NPC1: variants seen among roughly 807,000 people sequenced by gnomAD.
The protein encoded by NPC1 is Niemann-Pick C1 protein.
In NPC1, 85 loss-of-function variants were observed where a neutral mutation model predicts 140.4. That is an observed-to-expected ratio of 0.61 (90% CI 0.51 to 0.72). The LOEUF (loss-of-function observed/expected upper bound fraction) is 0.72, where lower values mean the gene tolerates loss of function less well. Ranked by LOEUF, NPC1 falls within the 30% of genes least tolerant of loss-of-function variation. The pLI is 0.00. For missense variants in NPC1, 1,504 were observed against 1,623.8 expected (o/e 0.93, Z 1.27); for synonymous variants, 656 against 624.8 (o/e 1.05, Z -0.74).
intron 10 of NPC1, among the ~76,000 whole-genome samples, chr18:23,548,435 ATC>A (rs1332003440): frequency 2.0e-5 from 3 of 151,494 alleles, no homozygotes; most frequent in Admixed American, 1.3e-4. Flanking sequence ...CTTCTCCAAC[ATC>A]TGTTTCATTG....
intron 9 of NPC1, among the ~76,000 whole-genome samples, chr18:23,552,202 AT>A (rs1412056390): frequency 6.6e-6 from 1 of 152,118 alleles, no homozygotes; most frequent in Non-Finnish European, 1.5e-5. Flanking sequence ...GGCACGCCTA[AT>A]CTCAAGTACT....
At chr18:23,563,431 T>C (rs899898593) in intron 4 of NPC1, among the ~76,000 whole-genome samples, 10 of 152,348 alleles carry the variant, frequency 6.6e-5, no homozygotes, top group Admixed American at 3.3e-4. Context: ...ACTGCCAAAC[T>C]GTTTTCCAAA....
intron 7 of NPC1, 89 bp from the exon 8 acceptor site, chr18:23,556,702 C>T: frequency 6.4e-7 from 1 of 1,565,798 alleles, no homozygotes; most frequent in South Asian, 1.2e-5. Context: ...GTTGCTATCT[C>T]ATGGCAGGAA....
downstream of NPC1, among the ~76,000 whole-genome samples, chr18:23,518,270 G>A (rs565296515): frequency 7.2e-5 from 11 of 152,266 alleles, no homozygotes; most frequent in Admixed American, 5.9e-4. Context: ...CAGGGGGATC[G>A]CCTTGAGGCC....
chr18:23,573,024 T>C (rs2059225487), intron 2 of NPC1, among the ~76,000 whole-genome samples: 1 of 152,110 alleles, frequency 6.6e-6, no homozygotes, highest in African/African-American at 2.4e-5. Context: ...GCAGCCAAAA[T>C]TCACAGGCTC....
intron 3 of NPC1, chr18:23,515,975 C>A (rs2057991655): frequency 6.2e-7 from 1 of 1,614,022 alleles, no homozygotes; most frequent in South Asian, 1.1e-5. Flanking sequence ...TGGAGAATGT[C>A]CTGCAGCCTT....
At chr18:23,553,904 G>C (rs1014818245) in intron 9 of NPC1, among the ~76,000 whole-genome samples, 1 of 152,176 alleles carries the variant, frequency 6.6e-6, no homozygotes, top group Non-Finnish European at 1.5e-5. Context: ...ACTCCTCAGA[G>C]GGAGGCTGCC....
chr18:23,585,307 A>G (rs112229056), intron 1 of NPC1, among the ~76,000 whole-genome samples: 42 of 152,238 alleles, frequency 2.8e-4, no homozygotes, highest in African/African-American at 9.9e-4. Flanking sequence ...TGAACTGCTG[A>G]GCTCAAGAGA....
At chr18:23,522,530 G>C (rs560475721) in exon 2 of NPC1, 2 of 152,212 alleles carry the variant, frequency 1.3e-5, no homozygotes, top group African/African-American at 4.8e-5. Flanking sequence ...TGTATTTTAT[G>C]TGTGGCCCAA....
At chr18:23,524,633 GTTT>G, downstream of NPC1, 3 of 705,700 alleles carry the variant, frequency 4.3e-6, no homozygotes, top group Non-Finnish European at 7.2e-6. Context: ...CACTTTATAC[GTTT>G]TTTACTATAT....
chr18:23,531,650 T>C lies in NPC1; in HGVS notation c.*552A>G, dbSNP rs771483050. 9 of 1,613,566 alleles carry C rather than the reference T, an allele frequency of 5.6e-6. No individual in the cohort carries two copies. The highest frequency in any genetic ancestry group is 7.6e-6 in the Non-Finnish European group (9 of 1,179,924). ...GGGAACACTGTGAAGAACATGTTGC[T>C]TTTTTCAAACAGATTTTTGGAGACC... is the stretch of plus-strand genomic sequence containing the variant. On this transcript the variant is annotated 3_prime_UTR_variant, in exon 25 of 25. Transcript: ENST00000269228.
At chr18:23,552,054 G>T (rs546420738) in intron 9 of NPC1, among the ~76,000 whole-genome samples, 1 of 152,170 alleles carries the variant, frequency 6.6e-6, no homozygotes, top group Non-Finnish European at 1.5e-5. Flanking sequence ...GAGGATGAGG[G>T]GGATTTCACC....
At chr18:23,509,939 C>G (rs2057807075) in intron 3 of NPC1, among the ~76,000 whole-genome samples, 1 of 151,218 alleles carries the variant, frequency 6.6e-6, no homozygotes, top group African/African-American at 2.4e-5. Flanking sequence ...AACCTCAACT[C>G]CTGCCTTGGC....
downstream of NPC1, among the ~76,000 whole-genome samples, chr18:23,518,071 G>C (rs78998039): frequency 1.5e-3 from 234 of 152,374 alleles, 7 homozygotes; most frequent in East Asian, 0.04. Flanking sequence ...CTGAAGTGGA[G>C]GTGGGGACCT....
At chr18:23,509,258 T>C (rs766933496) in intron 3 of NPC1, 1 of 1,448,234 alleles carries the variant, frequency 6.9e-7, no homozygotes, top group Admixed American at 2.4e-5. Flanking sequence ...TCATAACAGA[T>C]CAAGGAATCG....
At chr18:23,536,576 A>G in intron 21 of NPC1, 97 bp downstream of exon 21, 2 of 1,072,536 alleles carry the variant, frequency 1.9e-6, no homozygotes, top group South Asian at 2.7e-5. Context: ...CCAGAACCCA[A>G]CCTGAAAATC....
rs946255873 is a variant in NPC1 at position 23,569,092 on chromosome 18, T to C, written c.288-94A>G. 18 of 873,508 alleles carry C rather than the reference T, an allele frequency of 2.1e-5. No homozygotes were observed. The Admixed American group carries it at 3.0e-4, about 14-fold the overall frequency. The allele number at this position is 873,508 out of a possible 1,614,324, so 54.1% of individuals were successfully genotyped here. ...TAGACAAAGAATATTTTAAACTTAC[T>C]GTAAAGTGACAAATTACCAAGAGAA... On this transcript the variant is annotated intron_variant, in intron 3 of 24. Transcript: ENST00000269228.
Position 23,567,752 on chromosome 18 carries a change from T to C in NPC1, c.463+1071A>G, listed in dbSNP as rs2048650398. ...CTTCAACTTACTACGTACTGCAAAG[T>C]TGTTTTTCAAGTAGTTTTGAAACGA... is the stretch of plus-strand genomic sequence containing the variant. On this transcript the variant is annotated intron_variant, in intron 4 of 24. Transcript: ENST00000269228. 2.0e-5 allele frequency among the ~76,000 whole-genome samples: 3 copies of C among 152,336 alleles called. No homozygotes were observed. The South Asian group carries it at 6.2e-4, about 32-fold the overall frequency.
intron 1 of NPC1, among the ~76,000 whole-genome samples, chr18:23,579,292 A>C (rs2059329332): frequency 6.6e-6 from 1 of 152,196 alleles, no homozygotes; most frequent in South Asian, 2.1e-4. Flanking sequence ...GGCAGAGCCT[A>C]GGTGTGTAAT....
Sources: allele counts gnomAD v4.1 joint callset (sites outside exome capture counted in the v4.1 genomes callset), GRCh38; gene constraint gnomAD v4.1.1; transcripts MANE v1.5; gene names NCBI Gene and HGNC (gene_info 2026-07-23, HGNC 2026-07-21).